KCNMA1: variants seen among roughly 807,000 people sequenced by gnomAD.
KCNMA1 encodes the protein potassium calcium-activated channel subfamily M alpha 1.
A neutral mutation model predicts 140.0 loss-of-function variants in KCNMA1; 29 were observed. That is an observed-to-expected ratio of 0.21 (90% CI 0.15 to 0.28). The LOEUF is 0.28. Ranked by LOEUF, KCNMA1 falls within the 10% of genes least tolerant of loss-of-function variation. The pLI is 1.00. For synonymous variants in KCNMA1, 612 were observed against 611.9 expected, an observed-to-expected ratio of 1.00 and a Z score of 0.00; for missense variants, 880 against 1,602.2, an observed-to-expected ratio of 0.55 and a Z score of 7.70.
chr10:77,323,299 C>T (rs2082900140), intron 2 of KCNMA1, among the ~76,000 whole-genome samples: 1 of 152,188 alleles, frequency 6.6e-6, no homozygotes, highest in Non-Finnish European at 1.5e-5. Flanking sequence ...AATAGGTCCC[C>T]TCATTTGTAC....
chr10:77,508,924 G>A (rs1806774504), intron 1 of KCNMA1, among the ~76,000 whole-genome samples: 1 of 152,058 alleles, frequency 6.6e-6, no homozygotes, highest in Non-Finnish European at 1.5e-5. Context: ...TTTGCGACTG[G>A]CTTATTCCAC....
At chr10:77,026,432 C>T (rs2093468540) in intron 16 of KCNMA1, among the ~76,000 whole-genome samples, 1 of 152,174 alleles carries the variant, frequency 6.6e-6, no homozygotes, top group South Asian at 2.1e-4. Context: ...ACATACAGTT[C>T]CCCTACACAG....
chr10:77,025,279 T>TACATAC (rs1235093937), intron 16 of KCNMA1, among the ~76,000 whole-genome samples: 1 of 132,388 alleles, frequency 7.6e-6, no homozygotes, highest in African/African-American at 2.8e-5. Flanking sequence ...TATATATATA[T>TACATAC]ATACACACAC....
chr10:77,031,010 T>A (rs2093896615), intron 15 of KCNMA1, among the ~76,000 whole-genome samples: 1 of 152,212 alleles, frequency 6.6e-6, no homozygotes, highest in African/African-American at 2.4e-5. Flanking sequence ...CAAGATTGGC[T>A]GATCTTGCCC....
At chr10:77,505,404 C>A (rs1455716835) in intron 1 of KCNMA1, among the ~76,000 whole-genome samples, 1 of 152,210 alleles carries the variant, frequency 6.6e-6, no homozygotes, top group Non-Finnish European at 1.5e-5. Context: ...CTTTACAAGG[C>A]TCTAGGAGAT....
intron 5 of KCNMA1, among the ~76,000 whole-genome samples, chr10:77,146,406 A>C (rs1416830586): frequency 6.6e-6 from 1 of 152,168 alleles, no homozygotes; most frequent in Non-Finnish European, 1.5e-5. Context: ...GCATGTAAAA[A>C]ATAAAGATGA....
intron 1 of KCNMA1, among the ~76,000 whole-genome samples, chr10:77,504,248 G>A (rs1484821028): frequency 6.6e-6 from 1 of 152,174 alleles, no homozygotes; most frequent in Non-Finnish European, 1.5e-5. Flanking sequence ...TCTGGAAAGG[G>A]AGAGTGAGCA....
At chr10:76,977,477 G>T in intron 19 of KCNMA1, 2 of 684,576 alleles carry the variant, frequency 2.9e-6, no homozygotes, top group South Asian at 3.1e-5. Context: ...CATCTCTAAC[G>T]ACAAAGTTGA....
intron 2 of KCNMA1, among the ~76,000 whole-genome samples, chr10:77,334,208 A>G (rs2154368984): frequency 6.6e-6 from 1 of 152,242 alleles, no homozygotes; most frequent in Middle Eastern, 3.4e-3. Flanking sequence ...TCATTCGCTC[A>G]CCGCTCTACT....
intron 1 of KCNMA1, among the ~76,000 whole-genome samples, chr10:77,512,395 A>G (rs2048721659): frequency 6.6e-6 from 1 of 152,168 alleles, no homozygotes; most frequent in Non-Finnish European, 1.5e-5. Context: ...GACTTTTATT[A>G]CAGTATATTG....
At chr10:77,271,656 A>G (rs2065183000) in intron 2 of KCNMA1, among the ~76,000 whole-genome samples, 1 of 152,178 alleles carries the variant, frequency 6.6e-6, no homozygotes, top group African/African-American at 2.4e-5. Context: ...ATAAATCCCC[A>G]GTTCAATGGC....
At chr10:77,189,642 G>A (rs1331893738) in intron 3 of KCNMA1, among the ~76,000 whole-genome samples, 1 of 152,132 alleles carries the variant, frequency 6.6e-6, no homozygotes, top group Non-Finnish European at 1.5e-5. Flanking sequence ...CTAGGGACGG[G>A]ACTGGCTGAG....
chr10:77,584,023 T>C (rs1382125257), intron 1 of KCNMA1, among the ~76,000 whole-genome samples: 1 of 152,248 alleles, frequency 6.6e-6, no homozygotes, highest in African/African-American at 2.4e-5. Context: ...TTAAATTCTG[T>C]GTCCTCTTTC....
intron 2 of KCNMA1, among the ~76,000 whole-genome samples, chr10:77,319,284 T>C (rs2081692727): frequency 6.6e-6 from 1 of 152,142 alleles, no homozygotes; most frequent in African/African-American, 2.4e-5. Context: ...CCCATGCCAT[T>C]GCTCCAGATA....
chr10:77,556,734 T>G (rs1567529203), intron 1 of KCNMA1, among the ~76,000 whole-genome samples: 1 of 152,104 alleles, frequency 6.6e-6, no homozygotes, highest in Non-Finnish European at 1.5e-5. Context: ...CCCAACCAAG[T>G]GCCTGATGCC....
chr10:77,007,653 G>GTGTGTGTATATATATA lies in KCNMA1; in HGVS notation c.2092+4313_2092+4314insTATATATATACACACA. Among the ~76,000 whole-genome samples, 125 of 88,446 alleles carry GTGTGTGTATATATATA rather than the reference G, an allele frequency of 1.4e-3. 3 individuals carry two copies. The highest frequency in any genetic ancestry group is 1.8e-3 in the African/African-American group (40 of 22,156). The allele number at this position is 88,446 out of a possible 152,430, so 58.0% of individuals were successfully genotyped here. On this transcript the variant is annotated intron_variant, in intron 18 of 27. Transcript: ENST00000286628. Reference sequence around the variant, plus strand: ...ACATCATGGTACATATTGTGTGTGTGTATATATATATATATATATATATGT... The same window carrying GTGTGTGTATATATATA: ...ACATCATGGTACATATTGTGTGTGTGTGTGTGTATATATATATATATATATATATATATATATATGT...
At chr10:77,452,202 C>A (rs1240174148) in intron 1 of KCNMA1, among the ~76,000 whole-genome samples, 1 of 152,198 alleles carries the variant, frequency 6.6e-6, no homozygotes, top group African/African-American at 2.4e-5. Context: ...CCAGGGCAAT[C>A]CAGACAGTAA....
At chr10:77,442,963 G>A (rs3851038) in intron 1 of KCNMA1, among the ~76,000 whole-genome samples, 9,259 of 152,180 alleles carry the variant, frequency 0.061, 952 homozygotes, top group African/African-American at 0.21. Flanking sequence ...CCCTCACTCC[G>A]CATAGGTGGC....
At chr10:77,299,661 G>A (rs535746836) in intron 2 of KCNMA1, among the ~76,000 whole-genome samples, 89 of 152,274 alleles carry the variant, frequency 5.8e-4, no homozygotes, top group Non-Finnish European at 9.4e-4. Flanking sequence ...TTGAGAAAAG[G>A]GAAAAACAAA....
Sources: allele counts gnomAD v4.1 joint callset (sites outside exome capture counted in the v4.1 genomes callset), GRCh38; gene constraint gnomAD v4.1.1; transcripts MANE v1.5; gene names NCBI Gene and HGNC (gene_info 2026-07-23, HGNC 2026-07-21).